Variants in NCOA1 observed in about 807,000 individuals in gnomAD.
The protein encoded by NCOA1 is nuclear receptor coactivator 1.
In NCOA1, 35 loss-of-function variants were observed where a neutral mutation model predicts 150.9. The observed-to-expected ratio is 0.23, with a 90% CI of 0.18 to 0.31. NCOA1 has a LOEUF of 0.31. NCOA1 is among the 10% of genes least tolerant of loss of function. The probability of loss-of-function intolerance (pLI) is 1.00; values close to 1 mark genes in which losing one functional copy is unlikely to be tolerated. For synonymous variants in NCOA1, 590 were observed against 630.0 expected (o/e 0.94, Z 0.95); for missense variants, 1,491 against 1,749.3 (o/e 0.85, Z 2.63).
intron 1 of NCOA1, among the ~76,000 whole-genome samples, chr2:24,508,239 G>T (rs544270254): frequency 8.6e-5 from 13 of 151,512 alleles, no homozygotes; most frequent in Non-Finnish European, 1.5e-4. Flanking sequence ...TTTGACTTTT[G>T]CTCCAGCCAT....
chr2:24,757,965 G>A lies in NCOA1; in HGVS notation c.3882-8G>A. Reference sequence around the variant, plus strand: ...TGGATGTAATCTGGATTGTTTTTGAGTTTACAGTGTGTTCAGTCAAGCTGT... The same window carrying A: ...TGGATGTAATCTGGATTGTTTTTGAATTTACAGTGTGTTCAGTCAAGCTGT... On this transcript the variant is annotated splice_polypyrimidine_tract_variant and splice_region_variant and intron_variant, in intron 20 of 22. Coordinates refer to ENST00000348332, the MANE Select transcript of NCOA1 (RefSeq NM_003743.5). 6.2e-7 allele frequency: 1 copy of A among 1,612,406 alleles called. No homozygotes were observed. Among genetic ancestry groups the A allele is most frequent in the Non-Finnish European group, 8.5e-7 (1 of 1,179,272 alleles).
intron 20 of NCOA1, among the ~76,000 whole-genome samples, chr2:24,752,554 T>C (rs1343432178): frequency 6.6e-6 from 1 of 152,226 alleles, no homozygotes; most frequent in African/African-American, 2.4e-5. Context: ...GTCCCCAACC[T>C]TTCCATCCTA....
intron 3 of NCOA1, among the ~76,000 whole-genome samples, chr2:24,615,554 G>A (rs1668837701): frequency 6.6e-6 from 1 of 152,156 alleles, no homozygotes. Context: ...TGGAATAGCT[G>A]ATGGGTACTG....
rs560714840 is a variant in NCOA1, at chr2:24,543,557, T to G, written c.-395-20738T>G. Among the ~76,000 whole-genome samples, 152 of 152,178 alleles carry G rather than the reference T, an allele frequency of 1.0e-3. 1 individual carries two copies. Among genetic ancestry groups the G allele is most frequent in the African/African-American group, 3.5e-3 (147 of 41,504 alleles). On this transcript the variant is annotated intron_variant, in intron 1 of 22. Coordinates refer to ENST00000348332, the MANE Select transcript of NCOA1 (RefSeq NM_003743.5). ...GATACAAAATAAACAGATACTACAATGTAGTGTGATGGTTGCTACAGTGGA... is the reference window on the plus strand; with the variant it reads ...GATACAAAATAAACAGATACTACAAGGTAGTGTGATGGTTGCTACAGTGGA...
rs540903865 is a variant in NCOA1, at chr2:24,681,219, C to T, written c.355-1732C>T. 1.4e-3 allele frequency among the ~76,000 whole-genome samples: 219 copies of T among 152,058 alleles called. 2 individuals carry two copies. The highest frequency in any genetic ancestry group is 2.0e-3 in the Non-Finnish European group (136 of 68,008). On this transcript the variant is annotated intron_variant, in intron 7 of 22. Transcript: ENST00000348332. ...TCTCTACTAAAAATACAGAAATCAG[C>T]GGGGCATGGTGGCACATGCCTGTAA...
chr2:24,762,244 C>T (rs1664826621), intron 21 of NCOA1, among the ~76,000 whole-genome samples: 1 of 152,194 alleles, frequency 6.6e-6, no homozygotes. Context: ...CTTTTTTTCA[C>T]ATATTTTGTC....
At chr2:24,748,080 TG>T (rs1664028772) in intron 19 of NCOA1, among the ~76,000 whole-genome samples, 1 of 151,082 alleles carries the variant, frequency 6.6e-6, no homozygotes, top group Non-Finnish European at 1.5e-5. Context: ...CACTCCAGCC[TG>T]GGCAACAAGA....
rs151060813 is a variant in NCOA1 at position 24,720,544 on chromosome 2, A to T, written c.2600-6045A>T. The stretch of plus-strand genomic sequence containing the variant: ...TAATATGTTCGCAAAGGCCAAGAGC[A>T]TAGAGGGGAAGATACCAAGGTAGAT... On this transcript the variant is annotated intron_variant, in intron 14 of 22. Transcript: ENST00000348332. Among the ~76,000 whole-genome samples the T allele has an allele frequency of 5.9e-5, 9 of 152,320 alleles. No individual in the cohort carries two copies. In the East Asian group the frequency reaches 1.7e-3, roughly 29 times the overall value.
intron 22 of NCOA1, among the ~76,000 whole-genome samples, chr2:24,766,108 C>T (rs530742521): frequency 6.6e-6 from 1 of 152,164 alleles, no homozygotes; most frequent in South Asian, 2.1e-4. Flanking sequence ...CTATGTTGCC[C>T]AGGCTGGTCT....
intron 19 of NCOA1, among the ~76,000 whole-genome samples, chr2:24,745,212 A>G (rs1280458356): frequency 1.5e-5 from 2 of 136,772 alleles, no homozygotes; most frequent in South Asian, 2.2e-4. Context: ...CCCAGGCTGG[A>G]GTGCAGTGGC....
chr2:24,528,588 C>T (rs1664748664), intron 1 of NCOA1, among the ~76,000 whole-genome samples: 2 of 151,696 alleles, frequency 1.3e-5, no homozygotes. Context: ...GCTCAACCGA[C>T]CCACCCATAT....
Position 24,651,379 on chromosome 2 carries a change from G to A in NCOA1, c.-18+7257G>A, listed in dbSNP as rs558564051. 2.6e-5 allele frequency among the ~76,000 whole-genome samples: 4 copies of A among 152,194 alleles called. No individual in the cohort carries two copies. In the East Asian group the frequency reaches 5.8e-4, roughly 22 times the overall value. ...GGAATATTATTCAGCCATTAAAAAG[G>A]AGGAGATCCTGCCATTTGCCACAAC... On this transcript the variant is annotated intron_variant, in intron 4 of 22. Coordinates refer to ENST00000348332, the MANE Select transcript of NCOA1 (RefSeq NM_003743.5).
chr2:24,543,964 TAAG>T (rs2148201706), intron 1 of NCOA1, among the ~76,000 whole-genome samples: 1 of 152,278 alleles, frequency 6.6e-6, no homozygotes, highest in Non-Finnish European at 1.5e-5. Flanking sequence ...GGAGATCAAT[TAAG>T]AAGCTGTCTT....
chr2:24,589,561 G>T (rs1351358535), intron 3 of NCOA1, among the ~76,000 whole-genome samples: 1 of 152,144 alleles, frequency 6.6e-6, no homozygotes, highest in East Asian at 1.9e-4. Flanking sequence ...CTGTGTTTCT[G>T]TGCATATATT....
chr2:24,513,210 A>AT lies in NCOA1; in HGVS notation c.-396+21614dup, dbSNP rs1161342639. ...ATCTTAACATTTTGCCTTATTTCAGATTTTTTAAAAAAGAAGTAAAACATT... is the reference window on the plus strand; with the variant it reads ...ATCTTAACATTTTGCCTTATTTCAGATTTTTTTAAAAAAGAAGTAAAACATT... On this transcript the variant is annotated intron_variant, in intron 1 of 22. Transcript: ENST00000348332. Among the ~76,000 whole-genome samples, 26 of 152,218 alleles carry AT rather than the reference A, an allele frequency of 1.7e-4. No homozygotes were observed. In the East Asian group the frequency reaches 4.6e-3, roughly 27 times the overall value.
chr2:24,753,468 C>T (rs945215972), intron 20 of NCOA1, among the ~76,000 whole-genome samples: 8 of 152,178 alleles, frequency 5.3e-5, no homozygotes, highest in African/African-American at 1.7e-4. Flanking sequence ...TCCACTTCCC[C>T]TACTCCTACT....
chr2:24,516,944 GTATATATACAAGTA>G (rs1366206478), intron 1 of NCOA1, among the ~76,000 whole-genome samples: 1 of 115,620 alleles, frequency 8.6e-6, no homozygotes. Flanking sequence ...ATATATATAC[GTATATATACAAGTA>G]TATATACGTA....
chr2:24,571,989 C>T (rs1572434054), intron 2 of NCOA1, among the ~76,000 whole-genome samples: 1 of 152,230 alleles, frequency 6.6e-6, no homozygotes, highest in East Asian at 1.9e-4. Context: ...CTCCTTCCTC[C>T]CCTTAACTCC....
intron 1 of NCOA1, among the ~76,000 whole-genome samples, chr2:24,496,009 A>T (rs1572345286): frequency 6.6e-6 from 1 of 152,136 alleles, no homozygotes; most frequent in African/African-American, 2.4e-5. Flanking sequence ...CTGGTTCTGC[A>T]ATCTGGTCCT....
Sources: allele counts gnomAD v4.1 joint callset (sites outside exome capture counted in the v4.1 genomes callset), GRCh38; gene constraint gnomAD v4.1.1; transcripts MANE v1.5; gene names NCBI Gene and HGNC (gene_info 2026-07-23, HGNC 2026-07-21).